The following PDK4 variants were observed in gnomAD, a reference collection of about 807,000 sequenced individuals.
PDK4 encodes the protein pyruvate dehydrogenase kinase 4.
PDK4 carries 43 observed loss-of-function variants against 51.7 expected under a neutral mutation model. That is an observed-to-expected ratio of 0.83 (90% CI 0.65 to 1.07). The LOEUF (loss-of-function observed/expected upper bound fraction) is 1.07. Among genes scored for constraint, PDK4 ranks in the 50% least tolerant of loss-of-function variants. The pLI is 0.00. For synonymous variants in PDK4, 170 were observed against 176.6 expected, an observed-to-expected ratio of 0.96 and a Z score of 0.30; for missense variants, 498 against 503.5, an observed-to-expected ratio of 0.99 and a Z score of 0.10.
In PDK4 at chr7:95,585,524, G is replaced by A. The variant is rs1791469606; in HGVS notation, c.*117C>T. The A allele has an allele frequency of 8.2e-6, 7 of 852,102 alleles. No individual in the cohort carries two copies. The East Asian group carries it at 1.5e-4, about 18-fold the overall frequency. 52.8% of individuals were successfully genotyped at this position (852,102 alleles called of 1,614,324 possible). A position where few individuals can be genotyped will look rare whatever the true frequency, so the allele number is the denominator to read the frequency against. ...CTCATTGGATCAGTGTTCTGATTAA[G>A]GAGTTTTCGTTGCTGTCGTTTGTTT... is the stretch of plus-strand genomic sequence containing the variant. On this transcript the variant is annotated 3_prime_UTR_variant, in exon 11 of 11. Coordinates refer to ENST00000005178, the MANE Select transcript of PDK4 (RefSeq NM_002612.4).
chr7:95,594,856 T>C (rs965741594), intron 2 of PDK4, 167 bp downstream of exon 2: 11 of 412,054 alleles, frequency 2.7e-5, no homozygotes, highest in Non-Finnish European at 4.7e-5. Flanking sequence ...GTTTTATAAC[T>C]TCTCTAATGA....
intron 9 of PDK4, 128 bp downstream of exon 9, chr7:95,587,286 ATCAT>A: frequency 1.4e-6 from 1 of 728,856 alleles, no homozygotes; most frequent in East Asian, 2.6e-5. Context: ...AGCTTGCTTT[ATCAT>A]TCATTCTTAT....
chr7:95,588,262 G>C (rs771872701), intron 7 of PDK4, among the ~76,000 whole-genome samples: 1 of 152,090 alleles, frequency 6.6e-6, no homozygotes, highest in African/African-American at 2.4e-5. Flanking sequence ...GCTGTGAAAA[G>C]GTTGTTACTA....
chr7:95,586,348 C>T (rs1017842702), intron 10 of PDK4, among the ~76,000 whole-genome samples: 3 of 152,060 alleles, frequency 2.0e-5, no homozygotes, highest in Non-Finnish European at 4.4e-5. Context: ...GCACCCGCCA[C>T]CACACCCAGC....
chr7:95,593,752 C>T lies in PDK4; in HGVS notation c.291G>A (p.Met97Ile). Residue 97 changes from methionine (M) to isoleucine (I), a missense_variant, in exon 3 of 11, where the codon ATG becomes ATA. Coordinates refer to ENST00000005178, the MANE Select transcript of PDK4 (RefSeq NM_002612.4). The stretch of plus-strand genomic sequence containing the variant: ...TTTTCTCATGGAATTCCACCAAATC[C>T]ATCAGGCTCTGTATATACCTGTAAA... Reference protein sequence around the residue: ...LVKSWYIQSLMDLVEFHEKSP... With the variant: ...LVKSWYIQSLIDLVEFHEKSP... 6.4e-7 allele frequency: 1 copy of T among 1,560,408 alleles called. No homozygotes were observed. Among genetic ancestry groups the T allele is most frequent in the Non-Finnish European group, 8.8e-7 (1 of 1,131,436 alleles).
intron 2 of PDK4, among the ~76,000 whole-genome samples, chr7:95,594,427 G>A (rs561421793): frequency 6.4e-5 from 9 of 141,320 alleles, no homozygotes; most frequent in African/African-American, 2.2e-4. Flanking sequence ...GCTGTCCTAA[G>A]TGGTTTTTTT....
At position 95,587,100 on chromosome 7, in the gene PDK4, T is replaced by C. The variant is rs748244593; in HGVS notation, c.1005A>G (p.Pro335=). 5.6e-6 allele frequency: 9 copies of C among 1,602,916 alleles called. No homozygotes were observed. The East Asian group carries it at 6.8e-5, about 12-fold the overall frequency. The change falls in exon 10 of 11, where the codon CCA becomes CCG. Residue 335 remains proline (P), a synonymous_variant. Coordinates refer to ENST00000005178, the MANE Select transcript of PDK4 (RefSeq NM_002612.4). ...APLAGFGYGL[P]ISRLYAKYFQ... Reference sequence around the variant, plus strand: ...AGTACTTTGCATACAGACGAGAAATTGGCAAGCCGTAACCAAAACCAGCCT... The same window carrying C: ...AGTACTTTGCATACAGACGAGAAATCGGCAAGCCGTAACCAAAACCAGCCT...
intron 1 of PDK4, among the ~76,000 whole-genome samples, chr7:95,595,497 G>A (rs1054874045): frequency 6.6e-6 from 1 of 152,168 alleles, no homozygotes; most frequent in Admixed American, 6.5e-5. Context: ...ACACCACAAT[G>A]TCAACAACAC....
chr7:95,596,255 C>T lies in PDK4; in HGVS notation c.39G>A (p.Ser13=). Residue 13 remains serine (S), a synonymous_variant, in exon 1 of 11, where the codon TCG becomes TCA. Coordinates refer to ENST00000005178, the MANE Select transcript of PDK4 (RefSeq NM_002612.4). ...AARFVLRSAG[S]LNGAGLVPRE... ...GGGGCACCAGGCCGGCGCCGTTGAG[C>T]GAGCCAGCGCTGCGCAGCACGAAGC... 1 of 1,591,020 alleles carries T rather than the reference C, an allele frequency of 6.3e-7. No homozygotes were observed. Among genetic ancestry groups the T allele is most frequent in the African/African-American group, 1.4e-5 (1 of 73,616 alleles).
intron 7 of PDK4, among the ~76,000 whole-genome samples, chr7:95,589,277 G>T (rs887784319): frequency 2.0e-5 from 3 of 152,132 alleles, no homozygotes; most frequent in Admixed American, 6.5e-5. Flanking sequence ...ACCAGCCTGT[G>T]GGGGTGGAGG....
At chr7:95,588,958 A>G (rs1791519185) in intron 7 of PDK4, among the ~76,000 whole-genome samples, 1 of 152,216 alleles carries the variant, frequency 6.6e-6, no homozygotes, top group African/African-American at 2.4e-5. Context: ...GTGTTTTAAC[A>G]TGCCCTGCAG....
In PDK4 at chr7:95,589,692, T is replaced by A. The variant is rs1791528359; in HGVS notation, c.719A>T (p.His240Leu). 2 of 1,586,900 alleles carry A rather than the reference T, an allele frequency of 1.3e-6. No individual in the cohort carries two copies. The highest frequency in any genetic ancestry group is 1.7e-5 in the Admixed American group (1 of 59,852). Reference sequence around the variant, plus strand: ...GAGGTGAGAAGGAACATACACGATGTGAATTGGTTGGTCTGGAAATTTTCC... The same window carrying A: ...GAGGTGAGAAGGAACATACACGATGAGAATTGGTTGGTCTGGAAATTTTCC... ...VNGKFPDQPIHIVYVPSHLHH... is the reference protein window; with the variant it reads ...VNGKFPDQPILIVYVPSHLHH... Residue 240 changes from histidine to leucine, a missense_variant, in exon 7 of 11, where the codon CAC becomes CTC. Transcript: ENST00000005178.
rs200124780 is a variant in PDK4, at chr7:95,587,472, A to G, written c.927T>C (p.Tyr309=). 6.2e-6 allele frequency: 10 copies of G among 1,612,360 alleles called. No individual in the cohort carries two copies. The Admixed American group carries it at 1.7e-4, about 27-fold the overall frequency. ...PLRIIDRLFS[Y]TYSTAPTPVM... is the part of the protein sequence containing the mutation. Reference sequence around the variant, plus strand: ...CAGGCGTTGGTGCAGTGGAGTATGTATAACTAAAGAGGCGGTCAATAATTC... The same window carrying G: ...CAGGCGTTGGTGCAGTGGAGTATGTGTAACTAAAGAGGCGGTCAATAATTC... Residue 309 remains tyrosine, a synonymous_variant, in exon 9 of 11, where the codon TAT becomes TAC. Transcript: ENST00000005178.
At position 95,587,506 on chromosome 7, in the gene PDK4, A is replaced by G. The variant is rs1051940343; in HGVS notation, c.893T>C (p.Val298Ala). Reference protein sequence around the residue: ...TIKISDRGGGVPLRIIDRLFS... With the variant: ...TIKISDRGGGAPLRIIDRLFS... ...GAGGCGGTCAATAATTCTCAGGGGA[A>G]CACCACCTCCTCTGTCTGAAATCTA... is the stretch of plus-strand genomic sequence containing the variant. The change falls in exon 9 of 11, where the codon GTT becomes GCT. Residue 298 changes from valine to alanine, a missense_variant. Physicochemically the swap from Val to Ala is moderately conservative, Grantham distance 64. Coordinates refer to ENST00000005178, the MANE Select transcript of PDK4 (RefSeq NM_002612.4). The G allele has an allele frequency of 2.5e-6, 4 of 1,602,428 alleles. No individual in the cohort carries two copies. Among genetic ancestry groups the G allele is most frequent in the Non-Finnish European group, 3.4e-6 (4 of 1,169,326 alleles).
chr7:95,587,836 GCAAAC>G lies in PDK4; in HGVS notation c.772-16_772-12del, dbSNP rs1562836864. ...TGCCCGCATTGCATTCTAAAACAAA[GCAAAC>G]CATAAGGAATTCAATGGCAGAGGAA... On this transcript the variant is annotated splice_polypyrimidine_tract_variant and intron_variant, in intron 7 of 10. Coordinates refer to ENST00000005178, the MANE Select transcript of PDK4 (RefSeq NM_002612.4). 6.4e-7 allele frequency: 1 copy of G among 1,568,630 alleles called. No individual in the cohort carries two copies. The highest frequency in any genetic ancestry group is 1.7e-5 in the Admixed American group (1 of 59,890).
intron 9 of PDK4, 33 bp downstream of exon 9, chr7:95,587,385 C>G (rs17626204): frequency 7.9e-7 from 1 of 1,263,340 alleles, no homozygotes; most frequent in South Asian, 1.2e-5. Flanking sequence ...AACTAGGTGG[C>G]TGAGATTAAT....
chr7:95,595,048 A>G lies in PDK4; in HGVS notation c.247T>C (p.Ser83Pro), dbSNP rs147123547. 1.6e-4 allele frequency: 261 copies of G among 1,611,782 alleles called. 2 individuals carry two copies. In the East Asian group the frequency reaches 5.8e-3, roughly 36 times the overall value. Residue 83 changes from serine to proline, a missense_variant, in exon 2 of 11, where the codon TCT (serine) becomes CCT (proline). Physicochemically the swap from Ser to Pro is moderately conservative, Grantham distance 74. Coordinates refer to ENST00000005178, the MANE Select transcript of PDK4 (RefSeq NM_002612.4). ...CAGCTTTTAACCAATTGCACTGAAG[A>G]GGTATTTACTAATTGGGTCGGGAGG... is the stretch of plus-strand genomic sequence containing the variant. ...DILPTQLVNT[S>P]SVQLVKSWYI...
At chr7:95,588,919 A>C (rs1271409079) in intron 7 of PDK4, among the ~76,000 whole-genome samples, 1 of 152,222 alleles carries the variant, frequency 6.6e-6, no homozygotes, top group Non-Finnish European at 1.5e-5. Context: ...CTGAAGAATC[A>C]AAATCTCTGG....
At chr7:95,595,245 T>C in intron 1 of PDK4, 81 bp from the exon 2 acceptor site, 1 of 860,856 alleles carries the variant, frequency 1.2e-6, no homozygotes, top group Non-Finnish European at 1.8e-6. Context: ...TATCAAATAT[T>C]GAACACACAT....
Sources: gnomAD v4.1 joint callset for allele counts (sites outside exome capture counted in the v4.1 genomes callset) on GRCh38, gnomAD v4.1.1 for gene constraint, MANE v1.5 for transcripts, NCBI Gene and HGNC (gene_info 2026-07-23, HGNC 2026-07-21) for gene names.